Variants in GALNT17 observed in about 807,000 individuals in gnomAD.
The protein encoded by GALNT17 is UDP-GalNAc:polypeptide N-acetylgalactosaminyltransferase-like 3.
Under a neutral mutation model 63.7 loss-of-function variants are expected in GALNT17, and 29 were observed. The ratio of observed to expected loss-of-function variants is 0.46; its 90% CI spans 0.34 to 0.62. The LOEUF (loss-of-function observed/expected upper bound fraction) is 0.62, where lower values mean the gene tolerates loss of function less well. GALNT17 is among the 20% of genes least tolerant of loss of function. GALNT17 has a pLI of 0.01. For synonymous variants in GALNT17, 305 were observed against 318.3 expected (o/e 0.96, Z 0.45); for missense variants, 603 against 799.6 (o/e 0.75, Z 2.97).
intron 1 of GALNT17, among the ~76,000 whole-genome samples, chr7:71,281,562 C>T (rs772940283): frequency 6.6e-6 from 1 of 152,176 alleles, no homozygotes; most frequent in African/African-American, 2.4e-5. Context: ...GCGGCTTCTC[C>T]ATCCAGCTCT....
chr7:71,200,113 A>G (rs370502212), intron 1 of GALNT17, among the ~76,000 whole-genome samples: 15 of 152,230 alleles, frequency 9.9e-5, no homozygotes, highest in Admixed American at 4.6e-4. Flanking sequence ...TTGAAAATCA[A>G]TTCCTTCCAA....
At chr7:71,222,988 A>G (rs1465827206) in intron 1 of GALNT17, among the ~76,000 whole-genome samples, 1 of 152,196 alleles carries the variant, frequency 6.6e-6, no homozygotes, top group East Asian at 1.9e-4. Flanking sequence ...GGGGACCATC[A>G]CTTGAGCTCA....
chr7:71,669,561 T>C (rs1791036167), intron 7 of GALNT17, among the ~76,000 whole-genome samples: 1 of 42,548 alleles, frequency 2.4e-5, no homozygotes, highest in Non-Finnish European at 6.5e-5. Context: ...GCTTAAGATC[T>C]TTTTTTTTTT....
intron 2 of GALNT17, among the ~76,000 whole-genome samples, chr7:71,337,170 G>T (rs1022272296): frequency 6.6e-6 from 1 of 152,038 alleles, no homozygotes; most frequent in Non-Finnish European, 1.5e-5. Flanking sequence ...TACAGATTAT[G>T]AGCCTATGAT....
chr7:71,472,914 A>G (rs1787658724), intron 5 of GALNT17, among the ~76,000 whole-genome samples: 1 of 152,184 alleles, frequency 6.6e-6, no homozygotes, highest in Non-Finnish European at 1.5e-5. Context: ...ATGAGTGACC[A>G]TAACCTGGGG....
chr7:71,365,464 TC>T (rs1792486680), intron 2 of GALNT17, among the ~76,000 whole-genome samples: 1 of 152,194 alleles, frequency 6.6e-6, no homozygotes, highest in African/African-American at 2.4e-5. Flanking sequence ...GATCTCAATC[TC>T]TTGACCTGTG....
At chr7:71,526,417 G>T (rs113983311) in intron 5 of GALNT17, among the ~76,000 whole-genome samples, 19 of 152,286 alleles carry the variant, frequency 1.2e-4, no homozygotes, top group African/African-American at 3.8e-4. Flanking sequence ...TTGCAAAACG[G>T]CACCGTCCCA....
At chr7:71,191,764 G>A (rs2867042) in intron 1 of GALNT17, among the ~76,000 whole-genome samples, 21,112 of 152,050 alleles carry the variant, frequency 0.14, 1,886 homozygotes, top group African/African-American at 0.25. Context: ...TTGTGTGCCT[G>A]CATTTTCATT....
At chr7:71,153,930 A>C (rs112331130) in intron 1 of GALNT17, among the ~76,000 whole-genome samples, 2,971 of 138,518 alleles carry the variant, frequency 0.021, 63 homozygotes, top group African/African-American at 0.062. Flanking sequence ...TAATAAAATA[A>C]AATAAAAATA....
chr7:71,346,026 T>TAA (rs35499113), intron 2 of GALNT17, among the ~76,000 whole-genome samples: 338 of 127,204 alleles, frequency 2.7e-3, no homozygotes, highest in Non-Finnish European at 4.7e-3. Context: ...TACTAAAAAT[T>TAA]AAAAAAAAAA....
At chr7:71,322,427 G>A (rs114930894) in intron 1 of GALNT17, among the ~76,000 whole-genome samples, 4,750 of 152,214 alleles carry the variant, frequency 0.031, 201 homozygotes, top group African/African-American at 0.088. Context: ...CACTTCAAGC[G>A]TCTAACAATG....
intron 1 of GALNT17, among the ~76,000 whole-genome samples, chr7:71,332,162 C>T (rs1485708201): frequency 6.6e-6 from 1 of 152,116 alleles, no homozygotes; most frequent in Non-Finnish European, 1.5e-5. Flanking sequence ...TGGCAATTCT[C>T]TGATCTCTGG....
At chr7:71,507,515 GCCT>G (rs1788287475) in intron 5 of GALNT17, among the ~76,000 whole-genome samples, 2 of 152,182 alleles carry the variant, frequency 1.3e-5, no homozygotes, top group Non-Finnish European at 2.9e-5. Flanking sequence ...TGGAACAGCT[GCCT>G]GGCAGTCAGC....
chr7:71,569,837 A>G (rs903706123), intron 5 of GALNT17, among the ~76,000 whole-genome samples: 4 of 152,176 alleles, frequency 2.6e-5, no homozygotes, highest in African/African-American at 9.7e-5. Flanking sequence ...GCTGCAATGA[A>G]CGTAGGAATA....
chr7:71,227,246 C>T (rs932999698), intron 1 of GALNT17, among the ~76,000 whole-genome samples: 1 of 149,830 alleles, frequency 6.7e-6, no homozygotes, highest in Non-Finnish European at 1.5e-5. Context: ...TGCCAGTAGT[C>T]GCAGCTACTT....
intron 9 of GALNT17, among the ~76,000 whole-genome samples, chr7:71,709,690 C>T (rs1791765543): frequency 6.6e-6 from 1 of 152,016 alleles, no homozygotes; most frequent in Non-Finnish European, 1.5e-5. Flanking sequence ...CTCCGCACCC[C>T]CAGGTTCAAG....
chr7:71,279,456 G>A (rs1476391101), intron 1 of GALNT17, among the ~76,000 whole-genome samples: 1 of 151,884 alleles, frequency 6.6e-6, no homozygotes, highest in East Asian at 1.9e-4. Flanking sequence ...TTTTGGTGGG[G>A]ACACAGCAAG....
intron 6 of GALNT17, among the ~76,000 whole-genome samples, chr7:71,588,791 C>T (rs1027531410): frequency 2.6e-5 from 4 of 151,974 alleles, no homozygotes; most frequent in Non-Finnish European, 4.4e-5. Flanking sequence ...TGGCTGGTCT[C>T]ATGAATCCAG....
intron 1 of GALNT17, among the ~76,000 whole-genome samples, chr7:71,160,050 G>A (rs767345483): frequency 3.9e-5 from 6 of 152,242 alleles, no homozygotes; most frequent in Non-Finnish European, 8.8e-5. Flanking sequence ...CTCCCAAAGT[G>A]TTGTGATTAC....
Sources: allele counts gnomAD v4.1 joint callset (sites outside exome capture counted in the v4.1 genomes callset), GRCh38; gene constraint gnomAD v4.1.1; transcripts MANE v1.5; gene names NCBI Gene and HGNC (gene_info 2026-07-23, HGNC 2026-07-21).